Variants in PTBP2 observed in about 807,000 individuals in gnomAD.
PTBP2 encodes the protein polypyrimidine tract-binding protein 2.
A neutral mutation model predicts 61.4 loss-of-function variants in PTBP2; 13 were observed. The ratio of observed to expected loss-of-function variants is 0.21; its 90% CI spans 0.14 to 0.34. PTBP2 has a LOEUF of 0.34. Among genes scored for constraint, PTBP2 ranks in the 10% least tolerant of loss-of-function variants. The pLI is 1.00. For synonymous variants in PTBP2, 215 were observed against 218.5 expected (o/e 0.98, Z 0.14); for missense variants, 405 against 642.6 (o/e 0.63, Z 4.00).
chr1:96,744,080 A>G (rs1186179697), intron 2 of PTBP2, among the ~76,000 whole-genome samples: 1 of 151,960 alleles, frequency 6.6e-6, no homozygotes, highest in Non-Finnish European at 1.5e-5. Context: ...AGTCCCAGCT[A>G]CTCGGGAGGC....
Position 96,785,177 on chromosome 1 carries a change from A to G in PTBP2, c.827A>G (p.Asp276Gly). The change falls in exon 8 of 14, where the codon GAT (aspartate) becomes GGT (glycine). Residue 276 changes from aspartate to glycine, a missense_variant. Physicochemically the swap from Asp to Gly is moderately conservative, Grantham distance 94 (BLOSUM62 -1). Coordinates refer to ENST00000674951, the MANE Select transcript of PTBP2 (RefSeq NM_021190.4). Reference protein sequence around the residue: ...NDKSRDYTRPDLPSGDGQPAL... With the variant: ...NDKSRDYTRPGLPSGDGQPAL... ...AAAAGTAGGGATTATACTCGACCTG[A>G]TCTTCCATCTGGGGATGGACAACCT... The G allele has an allele frequency of 6.2e-7, 1 of 1,611,440 alleles. No individual in the cohort carries two copies. Among genetic ancestry groups the G allele is most frequent in the Non-Finnish European group, 8.5e-7 (1 of 1,178,922 alleles).
At chr1:96,805,061 C>A in intron 9 of PTBP2, 122 bp downstream of exon 9, 1 of 722,896 alleles carries the variant, frequency 1.4e-6, no homozygotes, top group Non-Finnish European at 2.1e-6. Flanking sequence ...AAAGTATTTT[C>A]TGTATGTTTC....
intron 5 of PTBP2, among the ~76,000 whole-genome samples, chr1:96,772,958 CA>C (rs748334688): frequency 0.027 from 3,069 of 115,160 alleles, 88 homozygotes; most frequent in African/African-American, 0.078. Context: ...ACTAAAAATA[CA>C]AAAAAAAAAA....
chr1:96,746,433 C>T (rs1279093178), intron 2 of PTBP2, among the ~76,000 whole-genome samples: 3 of 152,022 alleles, frequency 2.0e-5, no homozygotes, highest in South Asian at 2.1e-4. Context: ...CATCTTTTTT[C>T]CCCCCACATT....
chr1:96,783,345 C>T (rs1195931572), intron 7 of PTBP2, among the ~76,000 whole-genome samples: 2 of 151,958 alleles, frequency 1.3e-5, no homozygotes, highest in African/African-American at 2.4e-5. Context: ...TATACTTCTG[C>T]ATCTTCCACC....
chr1:96,770,850 A>G lies in PTBP2; in HGVS notation c.431A>G (p.Gln144Arg). The change falls in exon 5 of 14, where the codon CAA becomes CGA. Residue 144 changes from glutamine (Q) to arginine (R), a missense_variant and splice_region_variant. By Grantham distance (43) the Gln-to-Arg change is conservative. Around this residue, in one of 4 missense-constraint regions of PTBP2, gnomAD observed 342 missense variants for 491.2 expected, o/e 0.70. Coordinates refer to ENST00000674951, the MANE Select transcript of PTBP2 (RefSeq NM_021190.4). Reference protein sequence around the residue: ...KELKTDNTLNQRAQAVLQAVT... With the variant: ...KELKTDNTLNRRAQAVLQAVT... ...CTAAAGACAGATAATACATTAAACC[A>G]AGTAAGTATGTGTAGGTACATAAAT... 6.4e-7 allele frequency: 1 copy of G among 1,562,772 alleles called. No homozygotes were observed. The highest frequency in any genetic ancestry group is 8.8e-7 in the Non-Finnish European group (1 of 1,134,024).
chr1:96,731,229 A>C (rs1377775346), intron 2 of PTBP2, among the ~76,000 whole-genome samples: 1 of 152,160 alleles, frequency 6.6e-6, no homozygotes, highest in Non-Finnish European at 1.5e-5. Context: ...GTCAAATGAA[A>C]TTTATACTTA....
chr1:96,809,518 T>C (rs997316316), intron 11 of PTBP2, among the ~76,000 whole-genome samples: 2 of 152,074 alleles, frequency 1.3e-5, no homozygotes, highest in African/African-American at 4.8e-5. Flanking sequence ...AGTTTGTTTG[T>C]TTGTTTGTTT....
In PTBP2 at chr1:96,813,612, G is replaced by T. The variant is rs978537140; in HGVS notation, c.*207G>T. ...AGTTGTTAACTGCTATATTTCATCT[G>T]TTCTATAGGGAAGCCATTTTGTCTG... On this transcript the variant is annotated 3_prime_UTR_variant, in exon 14 of 14. Transcript: ENST00000674951. The T allele has an allele frequency of 2.9e-5, 9 of 307,182 alleles. No homozygotes were observed. The highest frequency in any genetic ancestry group is 1.5e-4 in the African/African-American group (6 of 40,122). The allele number at this position is 307,182 out of a possible 1,614,324, so 19.0% of individuals were successfully genotyped here. A position where few individuals can be genotyped will look rare whatever the true frequency, so the allele number is the denominator to read the frequency against.
At chr1:96,754,296 A>C (rs1416976980) in intron 3 of PTBP2, among the ~76,000 whole-genome samples, 1 of 152,174 alleles carries the variant, frequency 6.6e-6, no homozygotes, top group Non-Finnish European at 1.5e-5. Flanking sequence ...TAAATTTTAA[A>C]AGGGCTCTCT....
At chr1:96,746,701 T>TGA (rs1553174654) in intron 2 of PTBP2, among the ~76,000 whole-genome samples, 14 of 97,802 alleles carry the variant, frequency 1.4e-4, no homozygotes, top group Non-Finnish European at 2.5e-4. Flanking sequence ...AGACTTTGTC[T>TGA]GAAAAAAAAA....
At chr1:96,789,065 G>A (rs370212452) in intron 8 of PTBP2, among the ~76,000 whole-genome samples, 9 of 152,072 alleles carry the variant, frequency 5.9e-5, no homozygotes, top group South Asian at 2.1e-4. Context: ...CATGTTAAGA[G>A]GTGTAGTTAA....
chr1:96,727,660 T>C (rs1172912120), intron 2 of PTBP2, among the ~76,000 whole-genome samples: 1 of 152,194 alleles, frequency 6.6e-6, no homozygotes, highest in East Asian at 1.9e-4. Flanking sequence ...TTGGACATCT[T>C]TTCGTGTGCT....
At chr1:96,729,830 G>A (rs1178997099) in intron 2 of PTBP2, among the ~76,000 whole-genome samples, 2 of 149,312 alleles carry the variant, frequency 1.3e-5, no homozygotes, top group Non-Finnish European at 3.0e-5. Flanking sequence ...TCCACGTCCC[G>A]GGTTCACGCG....
At chr1:96,752,441 A>G (rs1654666091) in intron 3 of PTBP2, among the ~76,000 whole-genome samples, 3 of 152,118 alleles carry the variant, frequency 2.0e-5, no homozygotes, top group African/African-American at 7.2e-5. Flanking sequence ...ACACAAACAC[A>G]AACACACATC....
chr1:96,783,334 G>A (rs2101066054), intron 7 of PTBP2, among the ~76,000 whole-genome samples: 1 of 151,878 alleles, frequency 6.6e-6, no homozygotes, highest in African/African-American at 2.4e-5. Context: ...TGTACCTTAG[G>A]TATACTTCTG....
intron 7 of PTBP2, chr1:96,784,850 T>C: frequency 2.2e-6 from 1 of 453,870 alleles, no homozygotes; most frequent in South Asian, 3.2e-5. Flanking sequence ...TAGGTTGAAG[T>C]AGCATTTTCT....
At chr1:96,806,322 G>T in intron 9 of PTBP2, 97 bp from the exon 10 acceptor site, 1 of 1,019,928 alleles carries the variant, frequency 9.8e-7, no homozygotes. Context: ...CATTCTGCGG[G>T]AACCACCCTT....
chr1:96,800,518 G>T (rs549444547), intron 8 of PTBP2, among the ~76,000 whole-genome samples: 1 of 151,722 alleles, frequency 6.6e-6, no homozygotes, highest in African/African-American at 2.4e-5. Flanking sequence ...GATTGCTGGA[G>T]GCCAGGAGTT....
Sources: allele counts gnomAD v4.1 joint callset (sites outside exome capture counted in the v4.1 genomes callset), GRCh38; gene constraint gnomAD v4.1.1; regional missense constraint gnomAD v4.1.1; transcripts MANE v1.5; gene names NCBI Gene and HGNC (gene_info 2026-07-23, HGNC 2026-07-21).